Variants in SNX29 observed in about 807,000 individuals in gnomAD.
SNX29 encodes the protein sorting nexin 29, also known as sorting nexin-29.
A neutral mutation model predicts 102.1 loss-of-function variants in SNX29; 78 were observed. That is an observed-to-expected ratio of 0.76 (90% confidence interval 0.64 to 0.92). The LOEUF (loss-of-function observed/expected upper bound fraction) is 0.92, where lower values mean the gene tolerates loss of function less well. SNX29 is among the 40% of genes least tolerant of loss of function. The pLI is 0.00. For missense variants in SNX29, 1,280 were observed against 1,061.7 expected (o/e 1.21, Z -2.86); for synonymous variants, 580 against 414.5 (o/e 1.40, Z -4.85).
intron 4 of SNX29, among the ~76,000 whole-genome samples, chr16:12,040,620 C>G (rs1457285330): frequency 6.6e-6 from 1 of 152,126 alleles, no homozygotes; most frequent in Non-Finnish European, 1.5e-5. Context: ...TAGGGGTGTT[C>G]TTTACTGTAC....
At chr16:12,168,603 A>G (rs976909195) in intron 13 of SNX29, among the ~76,000 whole-genome samples, 8 of 152,254 alleles carry the variant, frequency 5.3e-5, no homozygotes, top group African/African-American at 1.4e-4. Flanking sequence ...GCCGTAGCAC[A>G]GGGGCATTGG....
Position 12,516,322 on chromosome 16 carries a change from C to G in SNX29, c.2179-8380C>G, listed in dbSNP as rs557279446. Among the ~76,000 whole-genome samples the G allele has an allele frequency of 5.5e-4, 84 of 152,048 alleles. 1 individual carries two copies. The highest frequency in any genetic ancestry group is 1.8e-3 in the African/African-American group (75 of 41,454). On this transcript the variant is annotated intron_variant, in intron 19 of 20. Transcript: ENST00000566228. The stretch of plus-strand genomic sequence containing the variant: ...TAGTGAGACCCCGTCTCTACAAAAA[C>G]TTTAAAAATTAGCCAGACGTGGTGG...
chr16:12,356,756 T>A (rs915974503), intron 16 of SNX29, among the ~76,000 whole-genome samples: 1 of 152,250 alleles, frequency 6.6e-6, no homozygotes, highest in Non-Finnish European at 1.5e-5. Flanking sequence ...ACTGCTGATA[T>A]TTTGGATCAT....
chr16:12,377,313 G>A (rs532910787), intron 16 of SNX29, among the ~76,000 whole-genome samples: 21 of 152,254 alleles, frequency 1.4e-4, no homozygotes, highest in African/African-American at 4.3e-4. Flanking sequence ...CTTGTCCTTC[G>A]TGAAGTTGGC....
At chr16:12,227,745 C>G (rs565580355) in intron 14 of SNX29, among the ~76,000 whole-genome samples, 34 of 151,780 alleles carry the variant, frequency 2.2e-4, no homozygotes, top group Non-Finnish European at 4.7e-4. Context: ...ACTATAAATA[C>G]AAAAAGTAGC....
chr16:12,544,613 G>A (rs747259839), intron 20 of SNX29, among the ~76,000 whole-genome samples: 1 of 152,218 alleles, frequency 6.6e-6, no homozygotes, highest in Non-Finnish European at 1.5e-5. Flanking sequence ...TCCTGACTCT[G>A]CGTCATGCCT....
At chr16:12,191,922 C>T (rs2076652344) in intron 13 of SNX29, among the ~76,000 whole-genome samples, 1 of 152,200 alleles carries the variant, frequency 6.6e-6, no homozygotes, top group Non-Finnish European at 1.5e-5. Context: ...TTGATGCCTA[C>T]TCAGTACCTG....
At chr16:12,258,431 CT>C (rs1338165270) in intron 14 of SNX29, among the ~76,000 whole-genome samples, 3 of 152,130 alleles carry the variant, frequency 2.0e-5, no homozygotes, top group African/African-American at 7.2e-5. Context: ...TGGTTGAGGT[CT>C]CCCCACAGAG....
At chr16:12,301,164 A>G (rs1391158038) in intron 15 of SNX29, among the ~76,000 whole-genome samples, 1 of 152,170 alleles carries the variant, frequency 6.6e-6, no homozygotes, top group Admixed American at 6.5e-5. Context: ...AGTCCCTTCT[A>G]AAATATCTCA....
At chr16:12,049,333 C>CA (rs1241394158) in intron 7 of SNX29, among the ~76,000 whole-genome samples, 6 of 144,558 alleles carry the variant, frequency 4.2e-5, no homozygotes, top group African/African-American at 7.6e-5. Context: ...AATTTTTTAA[C>CA]TTTTTTTTTT....
chr16:12,127,457 T>TCAAAA (rs1306631781), intron 12 of SNX29, among the ~76,000 whole-genome samples: 1 of 148,966 alleles, frequency 6.7e-6, no homozygotes, highest in Admixed American at 6.7e-5. Flanking sequence ...GTTCTGGCTC[T>TCAAAA]GTCACCCAGG....
chr16:12,196,223 G>C (rs903998034), intron 13 of SNX29, among the ~76,000 whole-genome samples: 5 of 152,024 alleles, frequency 3.3e-5, no homozygotes, highest in African/African-American at 1.2e-4. Context: ...GCCTGTCTCA[G>C]CCTCCCCAGG....
intron 14 of SNX29, among the ~76,000 whole-genome samples, chr16:12,256,139 T>C (rs935936698): frequency 6.6e-6 from 1 of 152,254 alleles, no homozygotes; most frequent in African/African-American, 2.4e-5. Context: ...GTTGAGCAGC[T>C]GGTCATACAC....
intron 13 of SNX29, among the ~76,000 whole-genome samples, chr16:12,188,593 C>T (rs757940840): frequency 6.6e-6 from 1 of 152,150 alleles, no homozygotes; most frequent in East Asian, 1.9e-4. Context: ...GTTGTTTGGG[C>T]TGTTTCTCTG....
At chr16:11,988,279 G>C (rs148929997) in intron 1 of SNX29, among the ~76,000 whole-genome samples, 12,743 of 140,816 alleles carry the variant, frequency 0.09, 653 homozygotes, top group East Asian at 0.25. Context: ...GGGCGACAGA[G>C]TGCGACTCCA....
At chr16:12,564,986 C>T (rs192674857) in intron 20 of SNX29, among the ~76,000 whole-genome samples, 298 of 151,728 alleles carry the variant, frequency 2.0e-3, no homozygotes, top group African/African-American at 5.8e-3. Context: ...TTTCAGCTTC[C>T]GACTACAGCC....
At chr16:12,121,962 C>T (rs985283235) in intron 11 of SNX29, among the ~76,000 whole-genome samples, 9 of 152,058 alleles carry the variant, frequency 5.9e-5, no homozygotes, top group African/African-American at 1.9e-4. Flanking sequence ...ACTACAGGCA[C>T]GCACCATCAC....
At chr16:12,355,873 AAAAGAG>A (rs2082119553) in intron 15 of SNX29, among the ~76,000 whole-genome samples, 4 of 128,228 alleles carry the variant, frequency 3.1e-5, no homozygotes, top group Admixed American at 7.9e-5. Flanking sequence ...AAAAAAAAAA[AAAAGAG>A]AGAGGAAAAA....
At chr16:12,542,612 G>T (rs771404071) in intron 20 of SNX29, among the ~76,000 whole-genome samples, 1 of 152,218 alleles carries the variant, frequency 6.6e-6, no homozygotes. Context: ...GATTACAGGC[G>T]TGAGCCACGG....
Sources: gnomAD v4.1 joint callset for allele counts (sites outside exome capture counted in the v4.1 genomes callset) on GRCh38, gnomAD v4.1.1 for gene constraint, MANE v1.5 for transcripts, NCBI Gene and HGNC (gene_info 2026-07-23, HGNC 2026-07-21) for gene names.